ADCY9: variants seen among roughly 807,000 people sequenced by gnomAD.
ADCY9 encodes the protein adenylate cyclase 9.
Under a neutral mutation model 101.5 loss-of-function variants are expected in ADCY9, and 50 were observed. That is an observed-to-expected ratio of 0.49 (90% CI 0.39 to 0.62). The LOEUF (loss-of-function observed/expected upper bound fraction) is 0.62. Among genes scored for constraint, ADCY9 ranks in the 20% least tolerant of loss-of-function variants. The probability of loss-of-function intolerance (pLI) is 0.00; values close to 1 mark genes in which losing one functional copy is unlikely to be tolerated. For missense variants in ADCY9, 1,662 were observed against 1,800.4 expected (o/e 0.92, Z 1.39); for synonymous variants, 905 against 769.3 (o/e 1.18, Z -2.92).
At chr16:4,095,393 TCA>T (rs138970091) in intron 2 of ADCY9, among the ~76,000 whole-genome samples, 17,510 of 151,976 alleles carry the variant, frequency 0.12, 1,481 homozygotes, top group East Asian at 0.42. Context: ...CCTTGCACAC[TCA>T]ATATAGGGCC....
intron 10 of ADCY9, among the ~76,000 whole-genome samples, chr16:3,972,355 G>A (rs1248872572): frequency 1.3e-5 from 2 of 151,232 alleles, no homozygotes; most frequent in East Asian, 1.9e-4. Context: ...TCAGCCTCCC[G>A]AGTAGCTGGG....
At chr16:4,055,557 G>C (rs958923993) in intron 2 of ADCY9, among the ~76,000 whole-genome samples, 7 of 151,474 alleles carry the variant, frequency 4.6e-5, no homozygotes, top group African/African-American at 1.5e-4. Flanking sequence ...AAAAAGGCCA[G>C]ACGCGGTGGC....
intron 2 of ADCY9, among the ~76,000 whole-genome samples, chr16:4,090,524 T>G (rs191420708): frequency 2.9e-3 from 437 of 152,168 alleles, no homozygotes; most frequent in African/African-American, 0.01. Flanking sequence ...GGAACACTGC[T>G]GGCCGTGGAA....
In ADCY9 at chr16:3,983,311, CG is replaced by C; in HGVS notation, c.2439del (p.Val814CysfsTer90). The part of the protein sequence containing the change: ...TTCFLKYEAA[T>X]VPPPPAALAV... ...GCCAGGGCGGCGGGCGGGGGAGGCA[CG>C]GTGGCCGCCTCGTACTTCAGGAAGC... On this transcript the variant is annotated frameshift_variant, in exon 7 of 11. Transcript: ENST00000294016. LOFTEE classifies it high-confidence loss of function. 1 of 1,568,366 alleles carries C rather than the reference CG, an allele frequency of 6.4e-7. No individual in the cohort carries two copies. Among genetic ancestry groups the C allele is most frequent in the Non-Finnish European group, 8.6e-7 (1 of 1,157,210 alleles).
intron 2 of ADCY9, among the ~76,000 whole-genome samples, chr16:4,030,285 G>A (rs2056546180): frequency 6.6e-6 from 1 of 152,126 alleles, no homozygotes; most frequent in African/African-American, 2.4e-5. Context: ...AGGATCGATG[G>A]ATACGTTGTG....
intron 2 of ADCY9, among the ~76,000 whole-genome samples, chr16:4,081,593 C>T (rs755995617): frequency 2.6e-5 from 4 of 152,196 alleles, no homozygotes; most frequent in Non-Finnish European, 4.4e-5. Context: ...CGAAAGCCTT[C>T]GAGAGTGCTT....
At chr16:4,089,890 C>A (rs1192990719) in intron 2 of ADCY9, among the ~76,000 whole-genome samples, 1 of 152,076 alleles carries the variant, frequency 6.6e-6, no homozygotes, top group East Asian at 1.9e-4. Context: ...TGGTGGGATC[C>A]TTTTGTTCCC....
chr16:4,111,429 G>C (rs2057113317), intron 2 of ADCY9, among the ~76,000 whole-genome samples: 1 of 152,120 alleles, frequency 6.6e-6, no homozygotes, highest in Non-Finnish European at 1.5e-5. Context: ...ATATTGTATA[G>C]AGAAAACATC....
chr16:4,058,739 G>C (rs2056756587), intron 2 of ADCY9, among the ~76,000 whole-genome samples: 2 of 152,114 alleles, frequency 1.3e-5, no homozygotes, highest in African/African-American at 4.8e-5. Context: ...AAAAGGTGCA[G>C]CGGAACTGAG....
In ADCY9 at chr16:4,045,665, G is replaced by C. The variant is rs150020362; in HGVS notation, c.1694-38107C>G. Among the ~76,000 whole-genome samples, 6 of 149,936 alleles carry C rather than the reference G, an allele frequency of 4.0e-5. No individual in the cohort carries two copies. In the East Asian group the frequency reaches 1.2e-3, roughly 29 times the overall value. ...CCAATTTGCTGCATCCATCCAAGAG[G>C]GGAAGATGGTCTCAGGCAGTAACTA... On this transcript the variant is annotated intron_variant, in intron 2 of 10. Transcript: ENST00000294016.
At chr16:4,105,868 A>G (rs988154515) in intron 2 of ADCY9, among the ~76,000 whole-genome samples, 6 of 152,036 alleles carry the variant, frequency 3.9e-5, no homozygotes, top group African/African-American at 1.2e-4. Context: ...AAAAAAACCT[A>G]CAGAAACAAC....
intron 2 of ADCY9, among the ~76,000 whole-genome samples, chr16:4,086,407 C>A (rs2056938996): frequency 6.6e-6 from 1 of 152,062 alleles, no homozygotes; most frequent in African/African-American, 2.4e-5. Flanking sequence ...CCACACATCA[C>A]CCAGGCCTGT....
At position 4,107,951 on chromosome 16, in the gene ADCY9, C is replaced by T. The variant is rs141120465; in HGVS notation, c.1693+5799G>A. Among the ~76,000 whole-genome samples, 94 of 152,268 alleles carry T rather than the reference C, an allele frequency of 6.2e-4. 1 individual carries two copies. The highest frequency in any genetic ancestry group is 2.1e-3 in the African/African-American group (89 of 41,540). On this transcript the variant is annotated intron_variant, in intron 2 of 10. Coordinates refer to ENST00000294016, the MANE Select transcript of ADCY9 (RefSeq NM_001116.4). ...AGGTGGCCAACAGGTGACAATCTGC[C>T]CAAATGCATACCAGCGGGTCTCCTC...
At chr16:4,072,601 A>G (rs919609525) in intron 2 of ADCY9, among the ~76,000 whole-genome samples, 1 of 152,196 alleles carries the variant, frequency 6.6e-6, no homozygotes, top group Non-Finnish European at 1.5e-5. Context: ...ATAAGCCCCT[A>G]TTAAATGTTT....
intron 2 of ADCY9, among the ~76,000 whole-genome samples, chr16:4,034,890 C>A (rs1282323625): frequency 6.6e-6 from 1 of 152,202 alleles, no homozygotes; most frequent in Admixed American, 6.6e-5. Flanking sequence ...GTCATCTTTA[C>A]TACCAGGTAG....
chr16:3,972,114 C>A (rs760634195), intron 10 of ADCY9, among the ~76,000 whole-genome samples: 1 of 152,210 alleles, frequency 6.6e-6, no homozygotes, highest in Admixed American at 6.5e-5. Context: ...GGTACGAGGA[C>A]AGCTTCCCAG....
At chr16:4,000,069 A>G (rs774093994) in intron 3 of ADCY9, among the ~76,000 whole-genome samples, 9 of 152,212 alleles carry the variant, frequency 5.9e-5, no homozygotes, top group Non-Finnish European at 1.3e-4. Flanking sequence ...GTTTTGCAAG[A>G]TGTCGTGTTA....
At chr16:3,954,792 A>T (rs1966419) in intron 5 of ADCY9, among the ~76,000 whole-genome samples, 1 of 151,972 alleles carries the variant, frequency 6.6e-6, no homozygotes, top group Non-Finnish European at 1.5e-5. Flanking sequence ...CTGTGGACAC[A>T]GATGGGGAGG....
At chr16:4,101,281 A>AT (rs34733913) in intron 2 of ADCY9, among the ~76,000 whole-genome samples, 32,824 of 135,350 alleles carry the variant, frequency 0.24, 4,580 homozygotes, top group Non-Finnish European at 0.3. Context: ...TGTTCAGGTG[A>AT]TTTTTTTTTT....
Sources: allele counts gnomAD v4.1 joint callset (sites outside exome capture counted in the v4.1 genomes callset), GRCh38; gene constraint gnomAD v4.1.1; transcripts MANE v1.5; gene names NCBI Gene and HGNC (gene_info 2026-07-23, HGNC 2026-07-21).